RPS6KC1: variants seen among roughly 807,000 people sequenced by gnomAD.
RPS6KC1 encodes ribosomal protein S6 kinase C1, also known as inactive ribosomal protein S6 kinase delta-1.
Under a neutral mutation model 103.8 loss-of-function variants are expected in RPS6KC1, and 54 were observed. The ratio of observed to expected loss-of-function variants is 0.52; its 90% CI spans 0.42 to 0.65. The LOEUF (loss-of-function observed/expected upper bound fraction) is 0.65. RPS6KC1 is among the 30% of genes least tolerant of loss of function. The pLI is 0.00. For synonymous variants in RPS6KC1, 439 were observed against 438.7 expected, an observed-to-expected ratio of 1.00 and a Z score of -0.01; for missense variants, 1,151 against 1,253.8, an observed-to-expected ratio of 0.92 and a Z score of 1.24.
At chr1:213,333,745 G>T in the RPS6KC1 span, among the ~76,000 whole-genome samples, 2 of 152,130 alleles carry the variant, frequency 1.3e-5, no homozygotes, top group African/African-American at 2.4e-5. Context: ...TGCAACCTCT[G>T]CCTCCCGGGT....
At chr1:213,489,647 A>G in the RPS6KC1 span, among the ~76,000 whole-genome samples, 4 of 152,208 alleles carry the variant, frequency 2.6e-5, no homozygotes, top group African/African-American at 4.8e-5. Flanking sequence ...AGCCTAGGAT[A>G]TAGGATGTGC....
intron 6 of RPS6KC1, among the ~76,000 whole-genome samples, chr1:213,144,394 G>A (rs1463417046): frequency 6.6e-6 from 1 of 152,002 alleles, no homozygotes; most frequent in Admixed American, 6.6e-5. Context: ...TCCCACCTTA[G>A]CCTTCAGAGT....
intron 6 of RPS6KC1, among the ~76,000 whole-genome samples, chr1:213,162,089 T>A (rs931936199): frequency 4.6e-5 from 7 of 152,234 alleles, no homozygotes; most frequent in African/African-American, 1.7e-4. Flanking sequence ...AAATTTTAGT[T>A]CCTTAGTTTT....
At chr1:213,270,207 C>T (rs1490951776) in intron 14 of RPS6KC1, among the ~76,000 whole-genome samples, 4 of 152,084 alleles carry the variant, frequency 2.6e-5, no homozygotes, top group Non-Finnish European at 1.5e-5. Context: ...TAACAAATGG[C>T]ACTGGGAAAT....
chr1:213,661,680 G>A, the RPS6KC1 span, among the ~76,000 whole-genome samples: 1 of 152,104 alleles, frequency 6.6e-6, no homozygotes, highest in Admixed American at 6.6e-5. Context: ...AACAATTAGG[G>A]ATTTATAAAG....
chr1:213,753,949 A>G, the RPS6KC1 span, among the ~76,000 whole-genome samples: 2 of 151,964 alleles, frequency 1.3e-5, no homozygotes, highest in African/African-American at 4.8e-5. Flanking sequence ...CTGTACTAAT[A>G]CCTCTCCACC....
Position 213,241,388 on chromosome 1 carries a change from G to A in RPS6KC1, c.1912G>A (p.Gly638Arg). 6.2e-7 allele frequency: 1 copy of A among 1,613,878 alleles called. No homozygotes were observed. The highest frequency in any genetic ancestry group is 1.7e-5 in the Admixed American group (1 of 59,936). ...GAAACCATTCTTTACTCTTCCAGAT[G>A]GAGACAGTGCTTCTAGGAGTTTTAA... Reference protein sequence around the residue: ...PLKPFFTLPDGDSASRSFNTS... With the variant: ...PLKPFFTLPDRDSASRSFNTS... Residue 638 changes from glycine (G) to arginine (R), a missense_variant, in exon 11 of 15, where the codon GGA becomes AGA. By Grantham distance (125) the Gly-to-Arg change is moderately radical (BLOSUM62 -2). Transcript: ENST00000366960.
chr1:213,485,215 A>G, the RPS6KC1 span, among the ~76,000 whole-genome samples: 4 of 152,142 alleles, frequency 2.6e-5, no homozygotes, highest in Admixed American at 1.3e-4. Context: ...TATAAGCTCA[A>G]TCCTGCTGGG....
intron 8 of RPS6KC1, among the ~76,000 whole-genome samples, chr1:213,176,939 C>G (rs61834126): frequency 0.033 from 5,096 of 152,166 alleles, 117 homozygotes; most frequent in Middle Eastern, 0.054. Context: ...ATCTTTCTTA[C>G]AATTGTATTT....
chr1:213,205,018 C>T, intron 8 of RPS6KC1, among the ~76,000 whole-genome samples: 1 of 152,000 alleles, frequency 6.6e-6, no homozygotes, highest in Non-Finnish European at 1.5e-5. Context: ...TGATTAGTGG[C>T]CAAAGTATTT....
chr1:213,745,504 G>T, the RPS6KC1 span, among the ~76,000 whole-genome samples: 1 of 151,816 alleles, frequency 6.6e-6, no homozygotes, highest in South Asian at 2.1e-4. Flanking sequence ...GGAAAATGCC[G>T]CCGGATGATG....
At chr1:213,386,690 G>A in the RPS6KC1 span, among the ~76,000 whole-genome samples, 1 of 152,206 alleles carries the variant, frequency 6.6e-6, no homozygotes, top group Non-Finnish European at 1.5e-5. Flanking sequence ...GATTTCGGAT[G>A]CAGCAAAGTC....
chr1:213,141,281 T>A (rs2086999485), intron 6 of RPS6KC1, among the ~76,000 whole-genome samples: 2 of 152,074 alleles, frequency 1.3e-5, no homozygotes, highest in African/African-American at 4.8e-5. Context: ...TTTTAATTAC[T>A]GATTCAGTTT....
chr1:213,449,046 C>T, the RPS6KC1 span, among the ~76,000 whole-genome samples: 2 of 152,140 alleles, frequency 1.3e-5, no homozygotes, highest in African/African-American at 4.8e-5. Context: ...AATTTGTCAC[C>T]TTCTCTCTCT....
At chr1:213,456,099 G>T in the RPS6KC1 span, among the ~76,000 whole-genome samples, 1 of 152,156 alleles carries the variant, frequency 6.6e-6, no homozygotes, top group African/African-American at 2.4e-5. Context: ...GCGAGGCTTT[G>T]TGTATCACAG....
chr1:213,763,830 C>T, the RPS6KC1 span, among the ~76,000 whole-genome samples: 6 of 152,188 alleles, frequency 3.9e-5, no homozygotes, highest in Non-Finnish European at 8.8e-5. Context: ...CAAGCAGGCA[C>T]AGGAGCCTTC....
chr1:213,084,715 T>G (rs933153599), intron 3 of RPS6KC1, among the ~76,000 whole-genome samples: 7 of 152,204 alleles, frequency 4.6e-5, no homozygotes, highest in African/African-American at 1.7e-4. Context: ...AATATAGCCG[T>G]TTTTTGTTTT....
chr1:213,138,240 C>T (rs2086607487), intron 6 of RPS6KC1, among the ~76,000 whole-genome samples: 1 of 151,752 alleles, frequency 6.6e-6, no homozygotes, highest in Non-Finnish European at 1.5e-5. Context: ...TATGTACAGG[C>T]TTACCTTGTT....
rs1423701080 is a variant in RPS6KC1 at position 213,274,710 on chromosome 1, A to G, written c.*2076A>G. ...TGATTTTTGTGGTTGTTTTTTTTTT[A>G]TATTTTGTTTGTTTAAGCAGAAGAG... On this transcript the variant is annotated 3_prime_UTR_variant, in exon 15 of 15. Transcript: ENST00000366960. 1 of 150,242 alleles carries G rather than the reference A, an allele frequency of 6.7e-6. No individual in the cohort carries two copies. Among genetic ancestry groups the G allele is most frequent in the Non-Finnish European group, 1.5e-5 (1 of 67,502 alleles). 9.3% of individuals were successfully genotyped at this position (150,242 alleles called of 1,614,324 possible).
Sources: allele counts gnomAD v4.1 joint callset (sites outside exome capture counted in the v4.1 genomes callset), GRCh38; gene constraint gnomAD v4.1.1; transcripts MANE v1.5; gene names NCBI Gene and HGNC (gene_info 2026-07-23, HGNC 2026-07-21).